The following CAMK1D variants were observed in gnomAD, a reference collection of about 807,000 sequenced individuals.
The protein encoded by CAMK1D is calcium/calmodulin-dependent protein kinase type 1D.
In CAMK1D, 9 loss-of-function variants were observed where a neutral mutation model predicts 47.7. The ratio of observed to expected loss-of-function variants is 0.19; its 90% CI spans 0.11 to 0.33. The LOEUF (loss-of-function observed/expected upper bound fraction) is 0.33, where lower values mean the gene tolerates loss of function less well. Ranked by LOEUF, CAMK1D falls within the 10% of genes least tolerant of loss-of-function variation. The probability of loss-of-function intolerance (pLI) is 1.00; values close to 1 mark genes in which losing one functional copy is unlikely to be tolerated. For missense variants in CAMK1D, 291 were observed against 488.7 expected (o/e 0.60, Z 3.81); for synonymous variants, 184 against 184.9 (o/e 0.99, Z 0.04).
At chr10:12,607,156 A>G (rs1838486888) in intron 2 of CAMK1D, among the ~76,000 whole-genome samples, 1 of 152,132 alleles carries the variant, frequency 6.6e-6, no homozygotes, top group Non-Finnish European at 1.5e-5. Context: ...GCCCAGTTCC[A>G]TCTCTCTCGT....
chr10:12,626,184 C>T (rs549506436), intron 2 of CAMK1D, among the ~76,000 whole-genome samples: 2 of 152,104 alleles, frequency 1.3e-5, no homozygotes, highest in Non-Finnish European at 2.9e-5. Flanking sequence ...CTATGTCATA[C>T]TCATACGACA....
intron 1 of CAMK1D, among the ~76,000 whole-genome samples, chr10:12,467,917 G>A (rs1215111698): frequency 1.3e-5 from 2 of 152,154 alleles, no homozygotes; most frequent in East Asian, 3.8e-4. Context: ...AGGAGTAATA[G>A]AGATAGCCTG....
chr10:12,772,452 A>G (rs973401463), intron 5 of CAMK1D, among the ~76,000 whole-genome samples: 3 of 152,170 alleles, frequency 2.0e-5, no homozygotes, highest in Non-Finnish European at 4.4e-5. Flanking sequence ...TGCTCTGACA[A>G]CCAGTGACGG....
At chr10:12,808,610 T>C (rs1832467388) in intron 6 of CAMK1D, among the ~76,000 whole-genome samples, 1 of 151,830 alleles carries the variant, frequency 6.6e-6, no homozygotes, top group African/African-American at 2.4e-5. Flanking sequence ...AAACCTCATC[T>C]TTACTAAAAA....
intron 6 of CAMK1D, among the ~76,000 whole-genome samples, chr10:12,801,295 G>T (rs3000759): frequency 9.2e-6 from 1 of 108,750 alleles, no homozygotes; most frequent in Non-Finnish European, 2.0e-5. Context: ...CTGTCTGTGT[G>T]TGTATCTATC....
chr10:12,442,556 T>G (rs1832813503), intron 1 of CAMK1D, among the ~76,000 whole-genome samples: 1 of 152,232 alleles, frequency 6.6e-6, no homozygotes, highest in African/African-American at 2.4e-5. Context: ...GTGAATGTTT[T>G]ATTTCAGATA....
intron 1 of CAMK1D, among the ~76,000 whole-genome samples, chr10:12,412,396 G>C (rs1451444935): frequency 6.8e-6 from 1 of 146,318 alleles, no homozygotes; most frequent in Non-Finnish European, 1.5e-5. Context: ...GATCACCTGA[G>C]ATCAGGAGTT....
At chr10:12,507,047 G>T (rs187402919) in intron 1 of CAMK1D, among the ~76,000 whole-genome samples, 1 of 152,306 alleles carries the variant, frequency 6.6e-6, no homozygotes, top group East Asian at 1.9e-4. Flanking sequence ...TGATGTATTG[G>T]GTTGTTCGTT....
intron 1 of CAMK1D, among the ~76,000 whole-genome samples, chr10:12,429,738 A>G (rs1174109805): frequency 6.6e-6 from 1 of 152,092 alleles, no homozygotes; most frequent in Admixed American, 6.5e-5. Flanking sequence ...AAACATTGGC[A>G]CTAAGTTCAG....
In CAMK1D at chr10:12,834,993, A is replaced by G. The variant is rs1197782259; in HGVS notation, c.*6106A>G. ...GGGCACTTGGCCCTATCAGAGGGAC[A>G]TGAAATGCTGTCCGAATGGTGGCAG... On this transcript the variant is annotated 3_prime_UTR_variant, in exon 11 of 11. Coordinates refer to ENST00000619168, the MANE Select transcript of CAMK1D (RefSeq NM_153498.4). The G allele has an allele frequency of 1.3e-5, 2 of 152,236 alleles. No homozygotes were observed. The highest frequency in any genetic ancestry group is 2.9e-5 in the Non-Finnish European group (2 of 68,032). 9.4% of individuals were successfully genotyped at this position (152,236 alleles called of 1,614,324 possible). A position where few individuals can be genotyped will look rare whatever the true frequency, so the allele number is the denominator to read the frequency against.
chr10:12,576,957 A>G (rs2132328454), intron 2 of CAMK1D, among the ~76,000 whole-genome samples: 1 of 152,292 alleles, frequency 6.6e-6, no homozygotes, highest in African/African-American at 2.4e-5. Context: ...TGCGAGTGAC[A>G]CAGAGCCCCA....
chr10:12,685,706 A>G (rs904536467), intron 3 of CAMK1D, among the ~76,000 whole-genome samples: 5 of 152,120 alleles, frequency 3.3e-5, no homozygotes, highest in African/African-American at 7.2e-5. Flanking sequence ...CCTGTTCTCA[A>G]TCATCCTGGG....
intron 1 of CAMK1D, among the ~76,000 whole-genome samples, chr10:12,533,310 T>C (rs1055609290): frequency 6.6e-6 from 1 of 152,192 alleles, no homozygotes; most frequent in African/African-American, 2.4e-5. Context: ...GAATCATCTT[T>C]CCCTTGCATT....
intron 5 of CAMK1D, among the ~76,000 whole-genome samples, chr10:12,770,332 C>G (rs79079974): frequency 0.033 from 4,997 of 152,296 alleles, 196 homozygotes; most frequent in African/African-American, 0.093. Context: ...ATTCTTTGTA[C>G]TAAACATCCA....
chr10:12,487,749 TC>T lies in CAMK1D; in HGVS notation c.93-65475del, dbSNP rs1427373152. Reference sequence around the variant, plus strand: ...GAGGAGTCACTGGGACTGTGATTTTTCTGTCTGTTCTAACAGCAGAATGTTG... The same window carrying T: ...GAGGAGTCACTGGGACTGTGATTTTTTGTCTGTTCTAACAGCAGAATGTTG... On this transcript the variant is annotated intron_variant, in intron 1 of 10. Transcript: ENST00000619168. Among the ~76,000 whole-genome samples, 4 of 152,382 alleles carry T rather than the reference TC, an allele frequency of 2.6e-5. No homozygotes were observed. In the South Asian group the frequency reaches 6.2e-4, roughly 24 times the overall value.
chr10:12,407,366 T>C (rs1564319986), intron 1 of CAMK1D, among the ~76,000 whole-genome samples: 1 of 152,222 alleles, frequency 6.6e-6, no homozygotes, highest in Non-Finnish European at 1.5e-5. Flanking sequence ...AGCCTTCCTT[T>C]TCACATTTCT....
At position 12,769,648 on chromosome 10, in the gene CAMK1D, TG is replaced by T. The variant is rs764959118; in HGVS notation, c.439-24del. On this transcript the variant is annotated intron_variant, in intron 4 of 10. Coordinates refer to ENST00000619168, the MANE Select transcript of CAMK1D (RefSeq NM_153498.4). The stretch of plus-strand genomic sequence containing the variant: ...ACCCAGCTTTACACGTAGTTTGTAA[TG>T]TTTTTTTCTTATTTTCTTTCTAGCC... 6.8e-6 allele frequency: 11 copies of T among 1,612,962 alleles called. No individual in the cohort carries two copies. The South Asian group carries it at 7.7e-5, about 11-fold the overall frequency.
rs557855748 is a variant in CAMK1D, at chr10:12,778,563, T to A, written c.565+8764T>A. Among the ~76,000 whole-genome samples, 5 of 152,304 alleles carry A rather than the reference T, an allele frequency of 3.3e-5. No individual in the cohort carries two copies. The South Asian group carries it at 1.0e-3, about 32-fold the overall frequency. ...ACACAGATTCATGTGAGGCAGTGTA[T>A]TTCAGAAGCAACATTAAAATACAGG... On this transcript the variant is annotated intron_variant, in intron 5 of 10. Coordinates refer to ENST00000619168, the MANE Select transcript of CAMK1D (RefSeq NM_153498.4).
chr10:12,721,820 G>A (rs1013713384), intron 3 of CAMK1D, among the ~76,000 whole-genome samples: 7 of 152,136 alleles, frequency 4.6e-5, no homozygotes, highest in African/African-American at 1.7e-4. Flanking sequence ...CACTGGTTAC[G>A]GACATGGCCC....
Sources: gnomAD v4.1 joint callset for allele counts (sites outside exome capture counted in the v4.1 genomes callset) on GRCh38, gnomAD v4.1.1 for gene constraint, MANE v1.5 for transcripts, NCBI Gene and HGNC (gene_info 2026-07-23, HGNC 2026-07-21) for gene names.